Variants in ARID5B observed in about 807,000 individuals in gnomAD.
The protein encoded by ARID5B is AT-rich interactive domain-containing protein 5B.
ARID5B carries 13 observed loss-of-function variants against 97.2 expected under a neutral mutation model. The ratio of observed to expected loss-of-function variants is 0.13; its 90% CI spans 0.09 to 0.21. The LOEUF (loss-of-function observed/expected upper bound fraction) is 0.21. Ranked by LOEUF, ARID5B falls within the 10% of genes least tolerant of loss-of-function variation. ARID5B has a pLI of 1.00. For synonymous variants in ARID5B, 556 were observed against 570.3 expected (o/e 0.97, Z 0.36); for missense variants, 1,210 against 1,465.3 (o/e 0.83, Z 2.84).
At position 62,091,076 on chromosome 10, in the gene ARID5B, C is replaced by T; in HGVS notation, c.1613C>T (p.Pro538Leu). Residue 538 changes from proline to leucine, a missense_variant, in exon 10 of 10, where the codon CCC becomes CTC. Transcript: ENST00000279873. Reference sequence around the variant, plus strand: ...GCAGAGGAGGCGGGAGAGAAGGGGCCCACACCTCCACTCCCAAGTGCTCCT... The same window carrying T: ...GCAGAGGAGGCGGGAGAGAAGGGGCTCACACCTCCACTCCCAAGTGCTCCT... ...KVAEEAGEKG[P>L]TPPLPSAPLA... The T allele has an allele frequency of 6.2e-7, 1 of 1,613,930 alleles. No individual in the cohort carries two copies.
At chr10:61,967,859 C>A (rs1190995812) in intron 3 of ARID5B, among the ~76,000 whole-genome samples, 2 of 152,034 alleles carry the variant, frequency 1.3e-5, no homozygotes, top group Non-Finnish European at 2.9e-5. Flanking sequence ...GTAAGTTGTC[C>A]AGGCCCATGG....
intron 2 of ARID5B, among the ~76,000 whole-genome samples, chr10:61,925,626 T>C (rs1322200266): frequency 6.6e-6 from 1 of 152,148 alleles, no homozygotes; most frequent in Non-Finnish European, 1.5e-5. Context: ...GTAAGTTGTC[T>C]TTTATTTTAG....
chr10:62,067,090 C>CTTT (rs58181996), intron 7 of ARID5B, among the ~76,000 whole-genome samples: 1 of 145,216 alleles, frequency 6.9e-6, no homozygotes, highest in Non-Finnish European at 1.5e-5. Context: ...TATAGAACTT[C>CTTT]TTTTTTTTTT....
In ARID5B at chr10:62,091,337, A is replaced by G; in HGVS notation, c.1874A>G (p.Asn625Ser). 6.2e-7 allele frequency: 1 copy of G among 1,614,198 alleles called. No homozygotes were observed. Residue 625 changes from asparagine (N) to serine (S), a missense_variant, in exon 10 of 10, where the codon AAC (asparagine) becomes AGC (serine). Physicochemically the swap from Asn to Ser is conservative, Grantham distance 46. Coordinates refer to ENST00000279873, the MANE Select transcript of ARID5B (RefSeq NM_032199.3). ...CCCGCCATGGCAGATTACATTGCCA[A>G]CTGCACCGTGAAGGTGGACCAGCTG... is the stretch of plus-strand genomic sequence containing the variant. ...KLPAMADYIA[N>S]CTVKVDQLGS...
Position 62,092,713 on chromosome 10 carries a change from G to A in ARID5B, c.3250G>A (p.Gly1084Arg), listed in dbSNP as rs753624328. Residue 1084 changes from glycine to arginine, a missense_variant, in exon 10 of 10, where the codon GGG becomes AGG. By Grantham distance (125) the Gly-to-Arg change is moderately radical (BLOSUM62 -2). Around this residue, in one of 8 missense-constraint regions of ARID5B, gnomAD observed 800 missense variants for 839.1 expected, o/e 0.95. Transcript: ENST00000279873. ...SSPIFPGLYSGSLCNSGLNSR... is the reference protein window; with the variant it reads ...SSPIFPGLYSRSLCNSGLNSR... ...CCCTATCTTCCCAGGTCTGTATTCC[G>A]GGAGCCTGTGTAACTCGGGCCTCAA... 6 of 1,613,924 alleles carry A rather than the reference G, an allele frequency of 3.7e-6. No homozygotes were observed. Among genetic ancestry groups the A allele is most frequent in the East Asian group, 2.2e-5 (1 of 44,888 alleles).
intron 4 of ARID5B, among the ~76,000 whole-genome samples, chr10:62,037,367 C>A (rs1371871753): frequency 6.6e-6 from 1 of 152,186 alleles, no homozygotes; most frequent in Non-Finnish European, 1.5e-5. Flanking sequence ...GGCTAAGAGT[C>A]AAATTCTAAA....
chr10:61,902,531 CT>C, intron 2 of ARID5B, 118 bp downstream of exon 2: 1 of 1,400,294 alleles, frequency 7.1e-7, no homozygotes, highest in Non-Finnish European at 9.7e-7. Flanking sequence ...GGATCGACTC[CT>C]TTTTTAAAGG....
intron 3 of ARID5B, among the ~76,000 whole-genome samples, chr10:61,994,266 A>T (rs1037550656): frequency 1.3e-5 from 2 of 152,044 alleles, no homozygotes; most frequent in African/African-American, 2.4e-5. Flanking sequence ...GATTTTTTTT[A>T]AAAAACTTAC....
chr10:62,079,024 T>C lies in ARID5B; in HGVS notation c.1200-6678T>C, dbSNP rs551762931. ...ATAGGGCTTCTTCTGATGTAGGAGG[T>C]TGACCCTTTGTGGAATGGCTACATA... On this transcript the variant is annotated intron_variant, in intron 8 of 9. Transcript: ENST00000279873. 1.6e-4 allele frequency among the ~76,000 whole-genome samples: 24 copies of C among 152,328 alleles called. No homozygotes were observed. In the South Asian group the frequency reaches 3.9e-3, roughly 25 times the overall value.
At chr10:62,029,770 G>A (rs1839470857) in intron 4 of ARID5B, among the ~76,000 whole-genome samples, 1 of 152,110 alleles carries the variant, frequency 6.6e-6, no homozygotes, top group Non-Finnish European at 1.5e-5. Flanking sequence ...TCAGATTTTC[G>A]ACTCAATGTA....
intron 8 of ARID5B, among the ~76,000 whole-genome samples, chr10:62,071,718 A>C (rs1216760022): frequency 6.6e-6 from 1 of 152,142 alleles, no homozygotes; most frequent in Non-Finnish European, 1.5e-5. Flanking sequence ...AAAGCTTTCA[A>C]TCACATTAGA....
At chr10:62,021,783 C>T (rs1283710377) in intron 4 of ARID5B, among the ~76,000 whole-genome samples, 1 of 152,222 alleles carries the variant, frequency 6.6e-6, no homozygotes, top group African/African-American at 2.4e-5. Flanking sequence ...GCTTAGAGTA[C>T]AACCACTGTG....
intron 4 of ARID5B, among the ~76,000 whole-genome samples, chr10:62,013,858 A>G (rs1445572526): frequency 6.6e-6 from 1 of 150,854 alleles, no homozygotes; most frequent in Non-Finnish European, 1.5e-5. Context: ...ATAATAATAC[A>G]TATTTATGGG....
chr10:62,077,463 A>G (rs1840152802), intron 8 of ARID5B, among the ~76,000 whole-genome samples: 2 of 152,238 alleles, frequency 1.3e-5, no homozygotes, highest in Admixed American at 6.5e-5. Context: ...AAACACCCTC[A>G]GGCACAAACT....
At chr10:61,915,477 T>C (rs1350565586) in intron 2 of ARID5B, among the ~76,000 whole-genome samples, 2 of 152,122 alleles carry the variant, frequency 1.3e-5, no homozygotes, top group African/African-American at 2.4e-5. Flanking sequence ...GGGGTGAAGA[T>C]TGGGAAGTTT....
chr10:62,043,406 G>C (rs1839666296), intron 4 of ARID5B, among the ~76,000 whole-genome samples: 1 of 152,274 alleles, frequency 6.6e-6, no homozygotes, highest in African/African-American at 2.4e-5. Flanking sequence ...TATTACGTTG[G>C]AATTCACTAC....
intron 2 of ARID5B, among the ~76,000 whole-genome samples, chr10:61,935,089 T>C (rs2132788827): frequency 6.6e-6 from 1 of 151,498 alleles, no homozygotes; most frequent in South Asian, 2.1e-4. Context: ...TCACAAGAAT[T>C]ACCAAAATGT....
At chr10:61,959,057 T>C (rs1838433754) in intron 3 of ARID5B, among the ~76,000 whole-genome samples, 1 of 152,236 alleles carries the variant, frequency 6.6e-6, no homozygotes. Flanking sequence ...TCATTCACTA[T>C]CCATGATTCA....
intron 2 of ARID5B, among the ~76,000 whole-genome samples, chr10:61,910,068 G>A (rs963925775): frequency 3.3e-5 from 5 of 152,306 alleles, no homozygotes; most frequent in Non-Finnish European, 5.9e-5. Flanking sequence ...TTTTCAGGCT[G>A]ATGGTCTTAA....
Sources: allele counts gnomAD v4.1 joint callset (sites outside exome capture counted in the v4.1 genomes callset), GRCh38; gene constraint gnomAD v4.1.1; regional missense constraint gnomAD v4.1.1; transcripts MANE v1.5; gene names NCBI Gene and HGNC (gene_info 2026-07-23, HGNC 2026-07-21).